ERC2: variants seen among roughly 807,000 people sequenced by gnomAD.
The protein encoded by ERC2 is ERC protein 2.
ERC2 carries 42 observed loss-of-function variants against 114.8 expected under a neutral mutation model. The observed-to-expected ratio is 0.37, with a 90% CI of 0.29 to 0.47. The LOEUF (loss-of-function observed/expected upper bound fraction) is 0.47. ERC2 is among the 20% of genes least tolerant of loss of function. The probability of loss-of-function intolerance (pLI) is 0.99; values close to 1 mark genes in which losing one functional copy is unlikely to be tolerated. For synonymous variants in ERC2, 454 were observed against 425.5 expected (o/e 1.07, Z -0.82); for missense variants, 939 against 1,150.7 (o/e 0.82, Z 2.66).
chr3:56,189,426 C>A (rs2083845401), intron 3 of ERC2, among the ~76,000 whole-genome samples: 2 of 152,220 alleles, frequency 1.3e-5, no homozygotes, highest in African/African-American at 2.4e-5. Context: ...CCATTCCACG[C>A]ACAGCCTGAC....
At chr3:55,840,197 C>T (rs1054280208) in intron 14 of ERC2, among the ~76,000 whole-genome samples, 9 of 152,010 alleles carry the variant, frequency 5.9e-5, no homozygotes, top group African/African-American at 2.2e-4. Context: ...AAAGCAGTCC[C>T]CACACTAGGT....
intron 17 of ERC2, among the ~76,000 whole-genome samples, chr3:55,638,876 T>C (rs750751280): frequency 6.6e-6 from 1 of 152,174 alleles, no homozygotes; most frequent in Non-Finnish European, 1.5e-5. Flanking sequence ...TTGGTACAGC[T>C]ACAACCTTCA....
chr3:56,412,707 T>C (rs1445519921), intron 2 of ERC2, among the ~76,000 whole-genome samples: 1 of 152,162 alleles, frequency 6.6e-6, no homozygotes, highest in Admixed American at 6.5e-5. Flanking sequence ...AAATTTCTCA[T>C]CTGTAAAACA....
chr3:55,658,151 T>A (rs576324164), intron 17 of ERC2: 1 of 152,226 alleles, frequency 6.6e-6, no homozygotes. Context: ...GAATTCGGGA[T>A]CTTAAATGAT....
At chr3:55,941,282 G>A (rs2066769836) in intron 13 of ERC2, among the ~76,000 whole-genome samples, 1 of 152,146 alleles carries the variant, frequency 6.6e-6, no homozygotes, top group Non-Finnish European at 1.5e-5. Flanking sequence ...GGTGTTTGCT[G>A]TACATGTAGA....
intron 14 of ERC2, among the ~76,000 whole-genome samples, chr3:55,872,053 A>T (rs936875813): frequency 6.6e-6 from 1 of 152,228 alleles, no homozygotes; most frequent in Non-Finnish European, 1.5e-5. Flanking sequence ...ATAGAAAGGA[A>T]ACAGACTGGC....
chr3:55,509,868 C>T lies in ERC2; in HGVS notation c.*1448G>A, dbSNP rs1342125445. The T allele has an allele frequency of 6.6e-6, 1 of 152,582 alleles. No homozygotes were observed. Among genetic ancestry groups the T allele is most frequent in the Non-Finnish European group, 1.5e-5 (1 of 68,028 alleles). The allele number at this position is 152,582 out of a possible 1,614,324, so 9.5% of individuals were successfully genotyped here. On this transcript the variant is annotated 3_prime_UTR_variant, in exon 18 of 18. Transcript: ENST00000288221. ...TATTAAGGCCACTCATGCTTAAATTCACTGTTTGTCCTTTAAAAATGCAGG... is the reference window on the plus strand; with the variant it reads ...TATTAAGGCCACTCATGCTTAAATTTACTGTTTGTCCTTTAAAAATGCAGG...
rs149247240 is a variant in ERC2, at chr3:55,818,954, A to G, written c.2564+69435T>C. 3.0e-3 allele frequency among the ~76,000 whole-genome samples: 456 copies of G among 152,344 alleles called. 4 individuals carry two copies. The highest frequency in any genetic ancestry group is 0.01 in the African/African-American group (434 of 41,580). Reference sequence around the variant, plus strand: ...TCTACTTGGGCACATAGGAAGGAACAAGCTTTTACAGATACCAGAGTACCT... The same window carrying G: ...TCTACTTGGGCACATAGGAAGGAACGAGCTTTTACAGATACCAGAGTACCT... On this transcript the variant is annotated intron_variant, in intron 14 of 17. Coordinates refer to ENST00000288221, the MANE Select transcript of ERC2 (RefSeq NM_015576.3).
chr3:55,921,822 C>T (rs1321815356), intron 13 of ERC2, among the ~76,000 whole-genome samples: 1 of 152,098 alleles, frequency 6.6e-6, no homozygotes, highest in African/African-American at 2.4e-5. Context: ...AATGGGACAT[C>T]TTAAAAACAA....
chr3:56,301,287 A>G (rs1436283824), intron 2 of ERC2, among the ~76,000 whole-genome samples: 1 of 152,158 alleles, frequency 6.6e-6, no homozygotes, highest in Non-Finnish European at 1.5e-5. Flanking sequence ...TCTCAAATTC[A>G]TGTTTATATT....
intron 17 of ERC2, among the ~76,000 whole-genome samples, chr3:55,518,252 G>A (rs890190862): frequency 6.6e-6 from 1 of 152,186 alleles, no homozygotes; most frequent in Non-Finnish European, 1.5e-5. Flanking sequence ...TATGTTGGTA[G>A]ATATGTACAG....
At chr3:56,089,280 A>G (rs2077661743) in intron 6 of ERC2, among the ~76,000 whole-genome samples, 1 of 152,198 alleles carries the variant, frequency 6.6e-6, no homozygotes, top group South Asian at 2.1e-4. Flanking sequence ...AATTTATGTG[A>G]GGAGTGATTT....
At chr3:55,946,422 T>C (rs771181546) in intron 13 of ERC2, among the ~76,000 whole-genome samples, 4 of 152,214 alleles carry the variant, frequency 2.6e-5, no homozygotes, top group Non-Finnish European at 4.4e-5. Context: ...TCTATATCTG[T>C]ATTACTCATC....
chr3:55,963,144 G>A (rs902069608), intron 12 of ERC2, among the ~76,000 whole-genome samples: 1 of 152,190 alleles, frequency 6.6e-6, no homozygotes, highest in Non-Finnish European at 1.5e-5. Flanking sequence ...CAGCTATGAA[G>A]CAGAACACAA....
intron 17 of ERC2, among the ~76,000 whole-genome samples, chr3:55,596,480 G>A (rs72871625): frequency 0.026 from 3,971 of 152,274 alleles, 153 homozygotes; most frequent in African/African-American, 0.089. Context: ...TTGGGAGGCT[G>A]AGGTTAGAGG....
At chr3:56,159,988 T>C (rs577462067) in intron 4 of ERC2, among the ~76,000 whole-genome samples, 1 of 152,304 alleles carries the variant, frequency 6.6e-6, no homozygotes, top group East Asian at 1.9e-4. Flanking sequence ...ATGTGTCTTT[T>C]TGGTAAAACA....
At chr3:56,155,563 C>G (rs928203239) in intron 4 of ERC2, among the ~76,000 whole-genome samples, 9 of 151,864 alleles carry the variant, frequency 5.9e-5, no homozygotes, top group African/African-American at 1.9e-4. Context: ...AAATATAATG[C>G]ACAAGTGATA....
intron 3 of ERC2, among the ~76,000 whole-genome samples, chr3:56,196,248 G>A (rs139080862): frequency 1.3e-3 from 202 of 152,210 alleles, no homozygotes; most frequent in Non-Finnish European, 1.8e-3. Context: ...TACACACTAC[G>A]TGCTCATTAG....
At chr3:56,391,208 C>T (rs1226452679) in intron 2 of ERC2, among the ~76,000 whole-genome samples, 1 of 152,156 alleles carries the variant, frequency 6.6e-6, no homozygotes, top group African/African-American at 2.4e-5. Context: ...AATTATTCTC[C>T]ACTGAAAGAC....
Sources: gnomAD v4.1 joint callset for allele counts (sites outside exome capture counted in the v4.1 genomes callset) on GRCh38, gnomAD v4.1.1 for gene constraint, MANE v1.5 for transcripts, NCBI Gene and HGNC (gene_info 2026-07-23, HGNC 2026-07-21) for gene names.